SAMD5: variants seen among roughly 807,000 people sequenced by gnomAD.
The protein encoded by SAMD5 is sterile alpha motif domain containing 5.
Under a neutral mutation model 11.3 loss-of-function variants are expected in SAMD5, and 13 were observed. That is an observed-to-expected ratio of 1.15 (90% CI 0.75 to 1.83). The LOEUF (loss-of-function observed/expected upper bound fraction) is 1.83, where lower values mean the gene tolerates loss of function less well. Among genes scored for constraint, SAMD5 ranks in the 40% most tolerant of loss-of-function variants. The pLI is 0.00. For missense variants in SAMD5, 255 were observed against 239.1 expected, an observed-to-expected ratio of 1.07 and a Z score of -0.44; for synonymous variants, 129 against 111.3, an observed-to-expected ratio of 1.16 and a Z score of -1.00.
the SAMD5 span, among the ~76,000 whole-genome samples, chr6:147,816,152 C>T: frequency 1.8e-4 from 27 of 150,300 alleles, no homozygotes; most frequent in South Asian, 2.1e-3. Context: ...TGGTGGCGCG[C>T]GCCTGTAATC....
chr6:147,881,694 C>A, the SAMD5 span, among the ~76,000 whole-genome samples: 1 of 152,182 alleles, frequency 6.6e-6, no homozygotes, highest in African/African-American at 2.4e-5. Context: ...CCCATAAAAT[C>A]CTAGTTGAGA....
intron 1 of SAMD5, among the ~76,000 whole-genome samples, chr6:147,643,763 AGG>A (rs1790349924): frequency 7.3e-6 from 1 of 136,964 alleles, no homozygotes; most frequent in African/African-American, 2.7e-5. Flanking sequence ...GAAGGAAGGA[AGG>A]AAGGAAGGAA....
the SAMD5 span, among the ~76,000 whole-genome samples, chr6:147,833,203 A>C: frequency 6.6e-6 from 1 of 152,200 alleles, no homozygotes; most frequent in African/African-American, 2.4e-5. Flanking sequence ...ATGCTCTTAC[A>C]TATTTCCCTG....
At chr6:147,810,686 C>T in the SAMD5 span, among the ~76,000 whole-genome samples, 6 of 152,286 alleles carry the variant, frequency 3.9e-5, no homozygotes, top group East Asian at 1.9e-4. Flanking sequence ...ATTAACATTT[C>T]GGTAGCGCTG....
the SAMD5 span, among the ~76,000 whole-genome samples, chr6:147,878,145 T>C: frequency 4.3e-4 from 65 of 152,076 alleles, no homozygotes; most frequent in African/African-American, 1.5e-3. Context: ...AATACCATAG[T>C]CTGGGTGGCT....
chr6:147,552,143 G>C (rs1343579145), intron 1 of SAMD5, among the ~76,000 whole-genome samples: 2 of 152,146 alleles, frequency 1.3e-5, no homozygotes, highest in Non-Finnish European at 2.9e-5. Flanking sequence ...GTTCTTTGCT[G>C]TTTAATGTCT....
the SAMD5 span, among the ~76,000 whole-genome samples, chr6:147,927,780 C>T: frequency 1.3e-5 from 2 of 152,234 alleles, no homozygotes; most frequent in Middle Eastern, 3.4e-3. Context: ...TTTCCTCATT[C>T]AGTATGATGT....
downstream of SAMD5, chr6:147,570,061 T>A (rs80197578): frequency 1.4e-3 from 1,336 of 961,082 alleles, 21 homozygotes; most frequent in African/African-American, 0.022. Context: ...CACATCTTGA[T>A]GAATGTGATG....
intron 1 of SAMD5, among the ~76,000 whole-genome samples, chr6:147,717,577 C>T (rs1041370879): frequency 6.6e-6 from 1 of 152,238 alleles, no homozygotes; most frequent in Non-Finnish European, 1.5e-5. Context: ...TCTCCTTCAC[C>T]TTCCATCTGT....
the SAMD5 span, among the ~76,000 whole-genome samples, chr6:147,830,705 A>C: frequency 6.6e-6 from 1 of 152,204 alleles, no homozygotes; most frequent in Non-Finnish European, 1.5e-5. Flanking sequence ...GAAAGAAAGG[A>C]AAAAAATTAT....
intron 1 of SAMD5, among the ~76,000 whole-genome samples, chr6:147,613,829 T>A (rs985454288): frequency 2.0e-5 from 3 of 151,814 alleles, no homozygotes; most frequent in Admixed American, 2.0e-4. Flanking sequence ...ATCTGGGCCT[T>A]AATTAAACAT....
At chr6:147,632,867 A>T (rs1453706063) in intron 1 of SAMD5, among the ~76,000 whole-genome samples, 4 of 152,258 alleles carry the variant, frequency 2.6e-5, no homozygotes, top group Non-Finnish European at 5.9e-5. Context: ...TAAAAATTTG[A>T]ATTCAAACAT....
At chr6:147,550,884 C>T (rs1425750449) in intron 1 of SAMD5, among the ~76,000 whole-genome samples, 5 of 123,546 alleles carry the variant, frequency 4.0e-5, no homozygotes, top group Non-Finnish European at 8.7e-5. Flanking sequence ...CAAAACTGCA[C>T]TTATACCTCT....
chr6:147,540,222 C>G (rs980094861), intron 1 of SAMD5, among the ~76,000 whole-genome samples: 1 of 152,006 alleles, frequency 6.6e-6, no homozygotes, highest in Non-Finnish European at 1.5e-5. Context: ...AGTAAAAAAC[C>G]GGAAAGGAAT....
chr6:147,853,479 T>G, the SAMD5 span, among the ~76,000 whole-genome samples: 2 of 152,030 alleles, frequency 1.3e-5, no homozygotes, highest in African/African-American at 4.8e-5. Flanking sequence ...GTTATATTCC[T>G]GATCAGATCA....
chr6:147,901,099 T>A, the SAMD5 span, among the ~76,000 whole-genome samples: 4 of 152,178 alleles, frequency 2.6e-5, no homozygotes, highest in African/African-American at 9.7e-5. Context: ...AGCGAGTCAG[T>A]TAACATCTCT....
chr6:147,524,787 C>T (rs998395483), intron 1 of SAMD5, among the ~76,000 whole-genome samples: 1 of 152,052 alleles, frequency 6.6e-6, no homozygotes, highest in Non-Finnish European at 1.5e-5. Flanking sequence ...AGGAAAAAGC[C>T]TTGAAATATG....
At chr6:147,655,133 G>A (rs1409405870) in intron 1 of SAMD5, among the ~76,000 whole-genome samples, 1 of 151,000 alleles carries the variant, frequency 6.6e-6, no homozygotes, top group South Asian at 2.2e-4. Context: ...TCCTCTTAAT[G>A]TTTCATTTCA....
At chr6:147,763,581 GT>G in the SAMD5 span, among the ~76,000 whole-genome samples, 1 of 151,556 alleles carries the variant, frequency 6.6e-6, no homozygotes, top group Non-Finnish European at 1.5e-5. Flanking sequence ...GCCACATAGT[GT>G]TTTTTGCATT....
Sources: gnomAD v4.1 joint callset for allele counts (sites outside exome capture counted in the v4.1 genomes callset) on GRCh38, gnomAD v4.1.1 for gene constraint, MANE v1.5 for transcripts, NCBI Gene and HGNC (gene_info 2026-07-23, HGNC 2026-07-21) for gene names.